The following UBE2R2 variants were observed in gnomAD, a reference collection of about 807,000 sequenced individuals.
UBE2R2 encodes the protein ubiquitin conjugating enzyme E2 R2.
UBE2R2 carries 1 observed loss-of-function variant against 27.8 expected under a neutral mutation model. That is an observed-to-expected ratio of 0.04 (90% CI 0.01 to 0.17). The LOEUF (loss-of-function observed/expected upper bound fraction) is 0.17, where lower values mean the gene tolerates loss of function less well. UBE2R2 is among the 10% of genes least tolerant of loss of function. The pLI is 1.00. For synonymous variants in UBE2R2, 106 were observed against 113.3 expected (o/e 0.94, Z 0.41); for missense variants, 100 against 291.0 (o/e 0.34, Z 4.78).
At chr9:33,888,709 G>A (rs1821917693) in intron 2 of UBE2R2, among the ~76,000 whole-genome samples, 1 of 152,174 alleles carries the variant, frequency 6.6e-6, no homozygotes, top group African/African-American at 2.4e-5. Flanking sequence ...CAGAGACAGT[G>A]TTTCACCATG....
chr9:33,862,795 G>T (rs777735215), intron 1 of UBE2R2, among the ~76,000 whole-genome samples: 1 of 151,974 alleles, frequency 6.6e-6, no homozygotes, highest in Non-Finnish European at 1.5e-5. Context: ...CCATTTTGTG[G>T]TTTTGCCTTT....
chr9:33,825,924 C>T (rs941884917), intron 1 of UBE2R2, among the ~76,000 whole-genome samples: 1 of 152,138 alleles, frequency 6.6e-6, no homozygotes, highest in African/African-American at 2.4e-5. Flanking sequence ...GGGCAGATCA[C>T]TTGAGGTCAG....
intron 1 of UBE2R2, among the ~76,000 whole-genome samples, chr9:33,886,653 TAAA>T (rs11404304): frequency 1.7e-5 from 2 of 118,700 alleles, no homozygotes; most frequent in African/African-American, 6.6e-5. Flanking sequence ...GACTCCGTCT[TAAA>T]AAAAAAAAAA....
At chr9:33,825,533 A>G (rs1235597972) in intron 1 of UBE2R2, among the ~76,000 whole-genome samples, 1 of 152,050 alleles carries the variant, frequency 6.6e-6, no homozygotes, top group African/African-American at 2.4e-5. Flanking sequence ...GAGCCACCAC[A>G]CCTGTCCAAA....
At chr9:33,828,084 C>T (rs1042694876) in intron 1 of UBE2R2, among the ~76,000 whole-genome samples, 7 of 151,868 alleles carry the variant, frequency 4.6e-5, no homozygotes, top group Non-Finnish European at 1.0e-4. Flanking sequence ...TGGCGGCTCA[C>T]CTGAGGTCAG....
At chr9:33,837,035 T>G (rs1281777356) in intron 1 of UBE2R2, among the ~76,000 whole-genome samples, 2 of 152,186 alleles carry the variant, frequency 1.3e-5, no homozygotes, top group African/African-American at 4.8e-5. Flanking sequence ...CCCTGATTTC[T>G]TAAATTTCAC....
intron 3 of UBE2R2, among the ~76,000 whole-genome samples, chr9:33,911,103 A>AAAAAC (rs952694168): frequency 6.6e-6 from 1 of 151,610 alleles, no homozygotes; most frequent in Non-Finnish European, 1.5e-5. Context: ...GACCCTGTCA[A>AAAAAC]AAAACAAAAC....
intron 1 of UBE2R2, among the ~76,000 whole-genome samples, chr9:33,832,177 G>A (rs1351932779): frequency 1.3e-5 from 2 of 151,474 alleles, no homozygotes; most frequent in South Asian, 2.1e-4. Context: ...GCGTGGTGGT[G>A]CGTGCCTGTA....
intron 3 of UBE2R2, among the ~76,000 whole-genome samples, chr9:33,901,352 C>G (rs963564288): frequency 2.0e-5 from 3 of 152,066 alleles, no homozygotes; most frequent in African/African-American, 4.8e-5. Context: ...TGATGGGATA[C>G]CTTTCATCAC....
chr9:33,896,353 G>A (rs1475842295), intron 2 of UBE2R2, among the ~76,000 whole-genome samples: 3 of 152,120 alleles, frequency 2.0e-5, no homozygotes, highest in Non-Finnish European at 4.4e-5. Flanking sequence ...AGTGGTGAAA[G>A]CAGGCATCCT....
At chr9:33,903,861 A>C (rs982821969) in intron 3 of UBE2R2, among the ~76,000 whole-genome samples, 2 of 152,150 alleles carry the variant, frequency 1.3e-5, no homozygotes, top group Non-Finnish European at 2.9e-5. Context: ...CCCAACTACA[A>C]CTAGTTATGT....
chr9:33,862,414 A>G (rs1400457527), intron 1 of UBE2R2, among the ~76,000 whole-genome samples: 1 of 152,198 alleles, frequency 6.6e-6, no homozygotes, highest in African/African-American at 2.4e-5. Flanking sequence ...TAAATTAGAC[A>G]GAACTGCCAA....
intron 1 of UBE2R2, among the ~76,000 whole-genome samples, chr9:33,871,141 T>C (rs1821476474): frequency 6.6e-6 from 1 of 152,234 alleles, no homozygotes; most frequent in African/African-American, 2.4e-5. Context: ...ACTGTGCTCT[T>C]TAAGCAACTA....
intron 1 of UBE2R2, among the ~76,000 whole-genome samples, chr9:33,880,147 A>T (rs1241790334): frequency 6.6e-6 from 1 of 151,974 alleles, no homozygotes; most frequent in African/African-American, 2.4e-5. Context: ...CGGCCTCCCT[A>T]AGTGCTGGAA....
At chr9:33,843,798 T>G (rs1820782540) in intron 1 of UBE2R2, among the ~76,000 whole-genome samples, 1 of 152,242 alleles carries the variant, frequency 6.6e-6, no homozygotes, top group African/African-American at 2.4e-5. Flanking sequence ...AACTTTTGTT[T>G]AAGACAGGAA....
chr9:33,840,360 A>G (rs1820704732), intron 1 of UBE2R2, among the ~76,000 whole-genome samples: 1 of 152,056 alleles, frequency 6.6e-6, no homozygotes, highest in African/African-American at 2.4e-5. Flanking sequence ...ATTCTTAGAC[A>G]TTATATTTTA....
At chr9:33,857,045 T>A (rs949521765) in intron 1 of UBE2R2, among the ~76,000 whole-genome samples, 5 of 151,308 alleles carry the variant, frequency 3.3e-5, no homozygotes, top group African/African-American at 1.2e-4. Flanking sequence ...TACAGGCGCG[T>A]GCCACCAGGC....
chr9:33,833,711 G>GC (rs1357713675), intron 1 of UBE2R2, among the ~76,000 whole-genome samples: 1 of 152,154 alleles, frequency 6.6e-6, no homozygotes, highest in African/African-American at 2.4e-5. Context: ...TATTCACTGT[G>GC]AAGTGTAACC....
intron 2 of UBE2R2, among the ~76,000 whole-genome samples, chr9:33,889,392 G>C (rs1821931091): frequency 2.0e-5 from 3 of 151,940 alleles, no homozygotes; most frequent in Admixed American, 2.0e-4. Context: ...TTTTAGTAGA[G>C]ACAGGGTTTC....
Sources: allele counts gnomAD v4.1 joint callset (sites outside exome capture counted in the v4.1 genomes callset), GRCh38; gene constraint gnomAD v4.1.1; transcripts MANE v1.5; gene names NCBI Gene and HGNC (gene_info 2026-07-23, HGNC 2026-07-21).